The following BTD variants were observed in gnomAD, a reference collection of about 807,000 sequenced individuals.
BTD encodes biotinidase.
A neutral mutation model predicts 17.7 loss-of-function variants in BTD; 13 were observed. The observed-to-expected ratio is 0.74, with a 90% CI of 0.48 to 1.17. The LOEUF is 1.17. Among genes scored for constraint, BTD ranks in the 50% most tolerant of loss-of-function variants. The probability of loss-of-function intolerance (pLI) is 0.00; values close to 1 mark genes in which losing one functional copy is unlikely to be tolerated. For missense variants in BTD, 674 were observed against 650.4 expected (o/e 1.04, Z -0.39); for synonymous variants, 240 against 245.2 (o/e 0.98, Z 0.20).
At chr3:15,669,314 T>A (rs1408509055) in intron 3 of BTD, 1 of 152,164 alleles carries the variant, frequency 6.6e-6, no homozygotes, top group African/African-American at 2.4e-5. Context: ...GTGACTAAGG[T>A]GTGCCATTCA....
At chr3:15,681,161 A>T (rs189239213) in intron 3 of BTD, among the ~76,000 whole-genome samples, 1 of 152,322 alleles carries the variant, frequency 6.6e-6, no homozygotes, top group Admixed American at 6.5e-5. Flanking sequence ...ACCTATGCAC[A>T]TCTTCTCATA....
chr3:15,715,754 G>A (rs889697971), downstream of BTD, among the ~76,000 whole-genome samples: 11 of 152,088 alleles, frequency 7.2e-5, no homozygotes, highest in South Asian at 2.1e-4. Flanking sequence ...CATCTTACTG[G>A]TCTGTTGTAC....
intron 3 of BTD, among the ~76,000 whole-genome samples, chr3:15,670,882 C>T (rs1198184559): frequency 1.3e-5 from 2 of 152,094 alleles, no homozygotes; most frequent in African/African-American, 2.4e-5. Flanking sequence ...CACCACATAT[C>T]GTGAATATTC....
intron 3 of BTD, among the ~76,000 whole-genome samples, chr3:15,700,791 G>C (rs1575236698): frequency 6.6e-6 from 1 of 151,934 alleles, no homozygotes. Flanking sequence ...CAGTATATAG[G>C]CCATAATTTA....
At chr3:15,634,794 C>T (rs1370208807) in intron 1 of BTD, among the ~76,000 whole-genome samples, 1 of 152,134 alleles carries the variant, frequency 6.6e-6, no homozygotes, top group Non-Finnish European at 1.5e-5. Context: ...CTTTGCTTGT[C>T]TATAAAAGAA....
chr3:15,695,779 T>C (rs937271324), intron 3 of BTD, among the ~76,000 whole-genome samples: 1 of 152,054 alleles, frequency 6.6e-6, no homozygotes, highest in African/African-American at 2.4e-5. Context: ...TCCCTAAATA[T>C]ATGGGGGAGA....
rs1385804394 is a variant in BTD, at chr3:15,648,328, G to A, written c.*2840G>A. On this transcript the variant is annotated 3_prime_UTR_variant, in exon 4 of 4. Coordinates refer to ENST00000643237, the MANE Select transcript of BTD (RefSeq NM_001370658.1). ...ACAAAGGCCTAGATTTGAGACAAGA[G>A]CTGATGTGGCCTGAAGATCTGTGAG... 6.6e-6 allele frequency among the ~76,000 whole-genome samples: 1 copy of A among 152,234 alleles called. No individual in the cohort carries two copies. The highest frequency in any genetic ancestry group is 1.5e-5 in the Non-Finnish European group (1 of 68,040).
chr3:15,639,122 A>G (rs2065435116), intron 2 of BTD, among the ~76,000 whole-genome samples: 1 of 152,154 alleles, frequency 6.6e-6, no homozygotes, highest in Non-Finnish European at 1.5e-5. Context: ...GAGATCTACC[A>G]GAAAATTGCT....
intron 3 of BTD, among the ~76,000 whole-genome samples, chr3:15,702,510 T>C (rs776464936): frequency 1.2e-4 from 18 of 152,208 alleles, no homozygotes; most frequent in Non-Finnish European, 5.9e-5. Flanking sequence ...GGCTAAACAA[T>C]ATTCTGTTAC....
intron 1 of BTD, among the ~76,000 whole-genome samples, chr3:15,609,453 T>C (rs2064552432): frequency 6.6e-6 from 1 of 152,212 alleles, no homozygotes. Context: ...GCATGTTTCC[T>C]TCTTGTGCAC....
At chr3:15,631,185 C>G (rs943309387) in intron 1 of BTD, among the ~76,000 whole-genome samples, 1 of 152,144 alleles carries the variant, frequency 6.6e-6, no homozygotes, top group East Asian at 1.9e-4. Context: ...TATACTATGC[C>G]GGTTCCTAAT....
intron 1 of BTD, among the ~76,000 whole-genome samples, chr3:15,613,499 C>T (rs1370619323): frequency 6.6e-6 from 1 of 152,042 alleles, no homozygotes; most frequent in Non-Finnish European, 1.5e-5. Context: ...CTCCCTTCTC[C>T]CTTCTCTCTT....
chr3:15,601,917 C>T (rs572436631), intron 1 of BTD, 23 bp downstream of exon 1: 1 of 1,612,820 alleles, frequency 6.2e-7, no homozygotes, highest in Admixed American at 1.7e-5. Flanking sequence ...CGTGGTGCGG[C>T]GCGGAGGGGG....
chr3:15,622,046 AT>A (rs944921124), intron 1 of BTD, among the ~76,000 whole-genome samples: 1 of 149,904 alleles, frequency 6.7e-6, no homozygotes, highest in East Asian at 2.0e-4. Context: ...TGTCTTCTCT[AT>A]TTTTTTTTCT....
intron 2 of BTD, 99 bp from the exon 3 acceptor site, chr3:15,641,809 T>C: frequency 2.2e-6 from 2 of 921,898 alleles, no homozygotes; most frequent in Non-Finnish European, 3.5e-6. Flanking sequence ...CAGAGTAACT[T>C]CCTGATGGTT....
At chr3:15,674,913 A>G (rs956711823) in intron 3 of BTD, among the ~76,000 whole-genome samples, 4 of 152,116 alleles carry the variant, frequency 2.6e-5, no homozygotes, top group Admixed American at 2.6e-4. Context: ...TTTTGATGGG[A>G]ACAGTTTTGC....
chr3:15,696,338 C>A, intron 3 of BTD: 1 of 758,956 alleles, frequency 1.3e-6, no homozygotes, highest in African/African-American at 1.8e-5. Flanking sequence ...GACAATTTTT[C>A]TTATACTTGA....
chr3:15,689,081 G>C (rs1349164286), intron 3 of BTD, among the ~76,000 whole-genome samples: 1 of 152,152 alleles, frequency 6.6e-6, no homozygotes, highest in African/African-American at 2.4e-5. Flanking sequence ...CTTGTTGTTG[G>C]TATTCCCTGA....
chr3:15,605,947 G>A (rs1057118618), intron 1 of BTD, among the ~76,000 whole-genome samples: 2 of 151,326 alleles, frequency 1.3e-5, no homozygotes, highest in South Asian at 4.2e-4. Flanking sequence ...GGAGACTGAG[G>A]TGGGAGAATC....
Sources: allele counts gnomAD v4.1 joint callset (sites outside exome capture counted in the v4.1 genomes callset), GRCh38; gene constraint gnomAD v4.1.1; transcripts MANE v1.5; gene names NCBI Gene and HGNC (gene_info 2026-07-23, HGNC 2026-07-21).